FOXP1: variants seen among roughly 807,000 people sequenced by gnomAD.
FOXP1 encodes forkhead box P1.
Under a neutral mutation model 98.2 loss-of-function variants are expected in FOXP1, and 15 were observed. The observed-to-expected ratio is 0.15, with a 90% confidence interval of 0.10 to 0.24. The LOEUF is 0.24. Ranked by LOEUF, FOXP1 falls within the 10% of genes least tolerant of loss-of-function variation. The probability of loss-of-function intolerance (pLI) is 1.00; values close to 1 mark genes in which losing one functional copy is unlikely to be tolerated. For missense variants in FOXP1, 633 were observed against 848.5 expected, an observed-to-expected ratio of 0.75 and a Z score of 3.15; for synonymous variants, 371 against 314.5, an observed-to-expected ratio of 1.18 and a Z score of -1.90.
At chr3:70,982,882 C>A (rs2039107660) in intron 14 of FOXP1, among the ~76,000 whole-genome samples, 1 of 152,156 alleles carries the variant, frequency 6.6e-6, no homozygotes, top group Admixed American at 6.5e-5. Flanking sequence ...CACATGAAAA[C>A]AGATTCTGAG....
intron 2 of FOXP1, among the ~76,000 whole-genome samples, chr3:71,507,978 G>A (rs2041947255): frequency 6.6e-6 from 1 of 152,190 alleles, no homozygotes; most frequent in Non-Finnish European, 1.5e-5. Flanking sequence ...CCAATGAAGT[G>A]TTATTATCCC....
intron 6 of FOXP1, among the ~76,000 whole-genome samples, chr3:71,176,293 C>T (rs2061933719): frequency 6.6e-6 from 1 of 152,178 alleles, no homozygotes; most frequent in African/African-American, 2.4e-5. Flanking sequence ...CCATGTCAAA[C>T]TCAAAATAGC....
chr3:71,360,192 G>T (rs1017383061), intron 3 of FOXP1, among the ~76,000 whole-genome samples: 1 of 152,168 alleles, frequency 6.6e-6, no homozygotes. Context: ...TGATAATTTT[G>T]CCATGAGTTT....
At chr3:71,504,820 G>C (rs553265196) in intron 2 of FOXP1, among the ~76,000 whole-genome samples, 1 of 152,210 alleles carries the variant, frequency 6.6e-6, no homozygotes, top group African/African-American at 2.4e-5. Flanking sequence ...CAATGCGGTC[G>C]TAGGACTTTT....
rs1207857229 is a variant in FOXP1, at chr3:71,382,941, A to G, written c.-167-23697T>C. ...GGCCTTGGGAGCCACTGTTCTGATG[A>G]GAAATACATCTTACATATTTAGGTG... On this transcript the variant is annotated intron_variant, in intron 3 of 20. Coordinates refer to ENST00000649528, the MANE Select transcript of FOXP1 (RefSeq NM_001349338.3). Among the ~76,000 whole-genome samples the G allele has an allele frequency of 2.0e-5, 3 of 152,242 alleles. No homozygotes were observed. In the East Asian group the frequency reaches 5.8e-4, roughly 29 times the overall value.
chr3:70,966,591 T>C (rs185482677), intron 19 of FOXP1, among the ~76,000 whole-genome samples: 66 of 152,278 alleles, frequency 4.3e-4, no homozygotes, highest in Admixed American at 2.7e-3. Flanking sequence ...TCTCCTCCCA[T>C]CATTTCTGTT....
chr3:71,144,453 G>C (rs139825157), intron 6 of FOXP1, among the ~76,000 whole-genome samples: 1 of 152,184 alleles, frequency 6.6e-6, no homozygotes, highest in South Asian at 2.1e-4. Flanking sequence ...GTCCCAGTGC[G>C]TGTGCTAGAG....
intron 2 of FOXP1, among the ~76,000 whole-genome samples, chr3:71,529,434 T>G (rs2043650335): frequency 6.6e-6 from 1 of 152,212 alleles, no homozygotes; most frequent in Admixed American, 6.5e-5. Context: ...TTAAAAACTT[T>G]GGAAACCCCA....
intron 5 of FOXP1, among the ~76,000 whole-genome samples, chr3:71,277,402 G>C (rs1276453048): frequency 6.6e-6 from 1 of 151,052 alleles, no homozygotes; most frequent in Non-Finnish European, 1.5e-5. Flanking sequence ...TTCTTTTTTA[G>C]TGCTGAATAT....
At chr3:71,201,926 T>C (rs1461609583) in intron 5 of FOXP1, among the ~76,000 whole-genome samples, 1 of 152,130 alleles carries the variant, frequency 6.6e-6, no homozygotes, top group East Asian at 1.9e-4. Context: ...GGCATAAATA[T>C]TTAGCCAAAT....
At chr3:71,538,061 G>C (rs948528077) in intron 2 of FOXP1, among the ~76,000 whole-genome samples, 2 of 152,136 alleles carry the variant, frequency 1.3e-5, no homozygotes, top group African/African-American at 2.4e-5. Flanking sequence ...TTACTATCTG[G>C]CCCTTTACAG....
At chr3:71,163,232 G>C (rs963234245) in intron 6 of FOXP1, among the ~76,000 whole-genome samples, 24 of 152,164 alleles carry the variant, frequency 1.6e-4, no homozygotes, top group African/African-American at 5.6e-4. Flanking sequence ...ATGAAAAATT[G>C]AGGTGCCAAT....
intron 3 of FOXP1, among the ~76,000 whole-genome samples, chr3:71,373,451 T>A (rs2079489355): frequency 6.6e-6 from 1 of 152,158 alleles, no homozygotes; most frequent in African/African-American, 2.4e-5. Flanking sequence ...GGATCAATAC[T>A]CTTTGTAAGG....
At chr3:71,305,500 A>G (rs750290989) in intron 4 of FOXP1, among the ~76,000 whole-genome samples, 1 of 152,192 alleles carries the variant, frequency 6.6e-6, no homozygotes, top group Non-Finnish European at 1.5e-5. Flanking sequence ...CCGGGTATAG[A>G]CAATACAGCG....
At chr3:71,285,928 A>T (rs1181277634) in intron 5 of FOXP1, among the ~76,000 whole-genome samples, 1 of 152,212 alleles carries the variant, frequency 6.6e-6, no homozygotes, top group Non-Finnish European at 1.5e-5. Flanking sequence ...TATAAACCTA[A>T]GAATAAAGTC....
At position 71,234,826 on chromosome 3, in the gene FOXP1, A is replaced by C. The variant is rs576359919; in HGVS notation, c.-11-36434T>G. 3.9e-5 allele frequency among the ~76,000 whole-genome samples: 6 copies of C among 152,306 alleles called. No homozygotes were observed. In the East Asian group the frequency reaches 1.2e-3, roughly 29 times the overall value. ...CAGGAGCCAGTGGCCCAGAGATAGA[A>C]ACACCCTGAAAACCAATTGATACTA... On this transcript the variant is annotated intron_variant, in intron 5 of 20. Transcript: ENST00000649528.
chr3:71,307,048 A>G (rs1024336989), intron 4 of FOXP1, among the ~76,000 whole-genome samples: 4 of 152,200 alleles, frequency 2.6e-5, no homozygotes, highest in African/African-American at 9.6e-5. Flanking sequence ...GGTCTTAGTA[A>G]CTTAATTATT....
chr3:71,415,052 T>C (rs2083104562), intron 3 of FOXP1, among the ~76,000 whole-genome samples: 1 of 152,210 alleles, frequency 6.6e-6, no homozygotes, highest in Non-Finnish European at 1.5e-5. Flanking sequence ...TTGAAAACAT[T>C]AAGCTGTCAT....
At chr3:71,348,737 T>C (rs2077575207) in intron 4 of FOXP1, among the ~76,000 whole-genome samples, 1 of 152,082 alleles carries the variant, frequency 6.6e-6, no homozygotes, top group African/African-American at 2.4e-5. Context: ...TGAGGGGTAA[T>C]TAACACAGGT....
Sources: gnomAD v4.1 joint callset for allele counts (sites outside exome capture counted in the v4.1 genomes callset) on GRCh38, gnomAD v4.1.1 for gene constraint, MANE v1.5 for transcripts, NCBI Gene and HGNC (gene_info 2026-07-23, HGNC 2026-07-21) for gene names.